Variants in SLC26A7 observed in about 807,000 individuals in gnomAD.
SLC26A7 encodes solute carrier family 26 member 7, also known as anion exchange transporter.
A neutral mutation model predicts 82.5 loss-of-function variants in SLC26A7; 59 were observed. The ratio of observed to expected loss-of-function variants is 0.72; its 90% CI spans 0.58 to 0.89. SLC26A7 has a LOEUF of 0.89. Among genes scored for constraint, SLC26A7 ranks in the 40% least tolerant of loss-of-function variants. The pLI is 0.00. For synonymous variants in SLC26A7, 271 were observed against 274.3 expected, an observed-to-expected ratio of 0.99 and a Z score of 0.12; for missense variants, 820 against 793.0, an observed-to-expected ratio of 1.03 and a Z score of -0.41.
intron 4 of SLC26A7, among the ~76,000 whole-genome samples, chr8:91,314,885 GA>G (rs1339612368): frequency 6.6e-6 from 1 of 152,080 alleles, no homozygotes; most frequent in Non-Finnish European, 1.5e-5. Flanking sequence ...TTTAATACTT[GA>G]AATGGTTGAA....
chr8:91,355,751 A>G (rs1813846645), intron 11 of SLC26A7, among the ~76,000 whole-genome samples: 1 of 151,512 alleles, frequency 6.6e-6, no homozygotes, highest in African/African-American at 2.4e-5. Context: ...TTATACTTTA[A>G]GTTTTAGGGT....
At chr8:91,279,125 G>GTATATATATATA (rs55869816) in intron 2 of SLC26A7, among the ~76,000 whole-genome samples, 106 of 111,262 alleles carry the variant, frequency 9.5e-4, no homozygotes, top group East Asian at 1.3e-3. Flanking sequence ...GTGTGTGTGT[G>GTATATATATATA]TATATATATA....
intron 2 of SLC26A7, among the ~76,000 whole-genome samples, chr8:91,264,038 G>T (rs1050352453): frequency 2.0e-5 from 3 of 152,000 alleles, no homozygotes; most frequent in Non-Finnish European, 4.4e-5. Flanking sequence ...GCCAAAAAGA[G>T]ATGAAATTGA....
intron 2 of SLC26A7, among the ~76,000 whole-genome samples, chr8:91,260,753 T>G (rs1302248118): frequency 6.6e-6 from 1 of 152,060 alleles, no homozygotes; most frequent in African/African-American, 2.4e-5. Flanking sequence ...TCATAGTGAT[T>G]CTTCGTGTTC....
chr8:91,359,609 T>C (rs999362694), intron 11 of SLC26A7, among the ~76,000 whole-genome samples: 1 of 152,016 alleles, frequency 6.6e-6, no homozygotes, highest in East Asian at 1.9e-4. Context: ...CAGTGGGACA[T>C]TGGGTTTAGC....
intron 2 of SLC26A7, among the ~76,000 whole-genome samples, chr8:91,243,453 G>T (rs1295698129): frequency 6.6e-6 from 1 of 152,138 alleles, no homozygotes; most frequent in Non-Finnish European, 1.5e-5. Flanking sequence ...AAAGAGTGGG[G>T]GTGGAGGATA....
chr8:91,354,447 T>C (rs778476243), intron 11 of SLC26A7, among the ~76,000 whole-genome samples: 2 of 152,080 alleles, frequency 1.3e-5, no homozygotes, highest in African/African-American at 2.4e-5. Context: ...TAGTGACAGA[T>C]GATGTGGAAA....
chr8:91,339,484 A>G (rs1813339811), intron 7 of SLC26A7, among the ~76,000 whole-genome samples: 1 of 152,138 alleles, frequency 6.6e-6, no homozygotes, highest in Non-Finnish European at 1.5e-5. Flanking sequence ...TCCTCTATAC[A>G]GTGGGTATAA....
intron 2 of SLC26A7, among the ~76,000 whole-genome samples, chr8:91,286,653 T>G (rs1209402705): frequency 1.3e-5 from 2 of 152,196 alleles, no homozygotes; most frequent in African/African-American, 4.8e-5. Flanking sequence ...GTGGTAATTT[T>G]GCTCTTATTT....
chr8:91,255,631 C>G (rs1265881300), intron 2 of SLC26A7, among the ~76,000 whole-genome samples: 1 of 152,090 alleles, frequency 6.6e-6, no homozygotes, highest in Non-Finnish European at 1.5e-5. Flanking sequence ...GTGACACATT[C>G]CTGTCTTTTC....
intron 4 of SLC26A7, among the ~76,000 whole-genome samples, chr8:91,317,838 G>A (rs1812680739): frequency 6.6e-6 from 1 of 151,144 alleles, no homozygotes; most frequent in South Asian, 2.1e-4. Flanking sequence ...GTAGGATTAG[G>A]AAAAGAGAAA....
chr8:91,239,909 AATGTATTAAGAC>A (rs1810451413), intron 2 of SLC26A7, among the ~76,000 whole-genome samples: 1 of 152,240 alleles, frequency 6.6e-6, no homozygotes, highest in Admixed American at 6.5e-5. Context: ...TTACGTTTTT[AATGTATTAAGAC>A]ATATTAAAAA....
At chr8:91,325,482 T>A (rs1307917347) in intron 5 of SLC26A7, among the ~76,000 whole-genome samples, 4 of 152,158 alleles carry the variant, frequency 2.6e-5, no homozygotes, top group Non-Finnish European at 5.9e-5. Context: ...AATATGCTTA[T>A]GTTAAGAAAA....
intron 4 of SLC26A7, among the ~76,000 whole-genome samples, chr8:91,313,495 T>C (rs927451307): frequency 2.6e-5 from 4 of 152,186 alleles, no homozygotes; most frequent in Admixed American, 2.6e-4. Flanking sequence ...CACTAAATTG[T>C]TTTCCTAATG....
At chr8:91,350,628 G>C (rs978741422) in intron 9 of SLC26A7, among the ~76,000 whole-genome samples, 4 of 151,626 alleles carry the variant, frequency 2.6e-5, no homozygotes, top group African/African-American at 9.7e-5. Context: ...TTGTGTTTAG[G>C]TTCTTTCATT....
intron 2 of SLC26A7, among the ~76,000 whole-genome samples, chr8:91,251,294 G>C (rs1273626597): frequency 6.6e-6 from 1 of 151,880 alleles, no homozygotes; most frequent in Non-Finnish European, 1.5e-5. Flanking sequence ...GAGGGATTTT[G>C]TTTTACGAGT....
At chr8:91,267,017 C>A (rs1811131014) in intron 2 of SLC26A7, among the ~76,000 whole-genome samples, 1 of 151,786 alleles carries the variant, frequency 6.6e-6, no homozygotes, top group East Asian at 1.9e-4. Context: ...TTTCTTGATT[C>A]TCTTAATGTG....
intron 4 of SLC26A7, among the ~76,000 whole-genome samples, chr8:91,302,511 G>A (rs921727749): frequency 2.6e-5 from 4 of 152,062 alleles, no homozygotes; most frequent in African/African-American, 9.7e-5. Flanking sequence ...ATAATGTAAT[G>A]TGATAGTTTC....
At chr8:91,224,502 C>T (rs56915342) in intron 2 of SLC26A7, among the ~76,000 whole-genome samples, 4,586 of 152,196 alleles carry the variant, frequency 0.03, 228 homozygotes, top group African/African-American at 0.1. Flanking sequence ...CTGATTTGCT[C>T]CCATGCCTGG....
Sources: gnomAD v4.1 joint callset for allele counts (sites outside exome capture counted in the v4.1 genomes callset) on GRCh38, gnomAD v4.1.1 for gene constraint, MANE v1.5 for transcripts, NCBI Gene and HGNC (gene_info 2026-07-23, HGNC 2026-07-21) for gene names.